Variants in GPR155 observed in about 807,000 individuals in gnomAD.
The protein encoded by GPR155 is lysosomal cholesterol signaling protein.
Under a neutral mutation model 93.1 loss-of-function variants are expected in GPR155, and 65 were observed. The ratio of observed to expected loss-of-function variants is 0.70; its 90% CI spans 0.57 to 0.86. The LOEUF (loss-of-function observed/expected upper bound fraction) is 0.86. Ranked by LOEUF, GPR155 falls within the 40% of genes least tolerant of loss-of-function variation. The pLI, the probability that GPR155 is intolerant of heterozygous loss-of-function variation, is 0.00. For synonymous variants in GPR155, 319 were observed against 360.1 expected (o/e 0.89, Z 1.29); for missense variants, 838 against 1,034.8 (o/e 0.81, Z 2.61).
chr2:174,460,776 T>C (rs1326538486), intron 9 of GPR155, among the ~76,000 whole-genome samples: 1 of 152,188 alleles, frequency 6.6e-6, no homozygotes, highest in African/African-American at 2.4e-5. Flanking sequence ...GTAATGATAT[T>C]AAAAATAATT....
intron 1 of GPR155, among the ~76,000 whole-genome samples, chr2:174,484,519 A>T (rs549133442): frequency 6.6e-6 from 1 of 152,372 alleles, no homozygotes; most frequent in East Asian, 1.9e-4. Flanking sequence ...CCAACAGTTT[A>T]AACTAGCAGA....
chr2:174,435,936 C>T lies in GPR155; in HGVS notation c.*180G>A. 1 of 580,482 alleles carries T rather than the reference C, an allele frequency of 1.7e-6. No homozygotes were observed. 36.0% of individuals were successfully genotyped at this position (580,482 alleles called of 1,614,324 possible). On this transcript the variant is annotated 3_prime_UTR_variant, in exon 16 of 16. Transcript: ENST00000392552. Reference sequence around the variant, plus strand: ...CTAAGTCAGCTTCCTATGTGTTTTACATACATGTAAAATCACAGACCCTGC... The same window carrying T: ...CTAAGTCAGCTTCCTATGTGTTTTATATACATGTAAAATCACAGACCCTGC...
intron 2 of GPR155, among the ~76,000 whole-genome samples, chr2:174,474,031 A>G (rs1011546651): frequency 2.0e-5 from 3 of 152,222 alleles, no homozygotes; most frequent in Non-Finnish European, 4.4e-5. Flanking sequence ...AATGGAGTAA[A>G]GGAAAACATC....
At chr2:174,451,127 T>G (rs940035532) in intron 11 of GPR155, among the ~76,000 whole-genome samples, 4 of 151,976 alleles carry the variant, frequency 2.6e-5, no homozygotes, top group African/African-American at 9.7e-5. Context: ...CTGGCCAACA[T>G]GGTGAAACCC....
In GPR155 at chr2:174,481,482, T is replaced by C. The variant is rs948726871; in HGVS notation, c.460+15A>G. 30 of 1,434,754 alleles carry C rather than the reference T, an allele frequency of 2.1e-5. No individual in the cohort carries two copies. Among genetic ancestry groups the C allele is most frequent in the Non-Finnish European group, 2.8e-5 (30 of 1,053,920 alleles). The allele number at this position is 1,434,754 out of a possible 1,614,324, so 88.9% of individuals were successfully genotyped here. A position where few individuals can be genotyped will look rare whatever the true frequency, so the allele number is the denominator to read the frequency against. ...TTGAATTTTTTAAACACTTGAAAAA[T>C]AAAAATTAACTTACCTATAGGGTAT... On this transcript the variant is annotated intron_variant, in intron 2 of 15. Coordinates refer to ENST00000392552, the MANE Select transcript of GPR155 (RefSeq NM_152529.7).
chr2:174,445,145 T>G lies in GPR155; in HGVS notation c.2045A>C (p.Asn682Thr). 1 of 1,592,560 alleles carries G rather than the reference T, an allele frequency of 6.3e-7. No individual in the cohort carries two copies. The highest frequency in any genetic ancestry group is 2.2e-5 in the East Asian group (1 of 44,766). ...AACATAAAGTCTTCCAGGCTCTTGG[T>G]TGAATAGCCACCATAAACAACTGGA... is the stretch of plus-strand genomic sequence containing the variant. The part of the protein sequence containing the change: ...NLSSCLWWLF[N>T]QEPGRLYVEL... The change falls in exon 13 of 16, where the codon AAC becomes ACC. Residue 682 changes from asparagine (N) to threonine (T), a missense_variant. This residue lies in a region of GPR155 where 29 missense variants were observed against 67.1 expected (regional missense o/e 0.43). Coordinates refer to ENST00000392552, the MANE Select transcript of GPR155 (RefSeq NM_152529.7).
At chr2:174,483,942 T>C (rs146486396) in intron 1 of GPR155, among the ~76,000 whole-genome samples, 11 of 152,264 alleles carry the variant, frequency 7.2e-5, no homozygotes, top group Middle Eastern at 3.4e-3. Flanking sequence ...TAGACTGATA[T>C]AAGGTAGAAA....
chr2:174,464,179 G>A (rs1319690681), intron 7 of GPR155, among the ~76,000 whole-genome samples: 2 of 152,140 alleles, frequency 1.3e-5, no homozygotes, highest in Non-Finnish European at 2.9e-5. Context: ...TTCTCAGTTT[G>A]CAAAATGAAG....
intron 15 of GPR155, among the ~76,000 whole-genome samples, chr2:174,437,441 C>T (rs1182324333): frequency 6.6e-6 from 1 of 152,156 alleles, no homozygotes; most frequent in East Asian, 1.9e-4. Context: ...ATTTTAACAT[C>T]AGTATTTCAT....
At chr2:174,475,294 CAAAAAAAAAAAAAAA>C (rs71024809) in intron 2 of GPR155, among the ~76,000 whole-genome samples, 5 of 64,334 alleles carry the variant, frequency 7.8e-5, no homozygotes, top group African/African-American at 1.4e-4. Context: ...GACTCCGTCT[CAAAAAAAAAAAAAAA>C]AAAAAAAAAA....
At chr2:174,471,085 G>A (rs1687982726) in intron 3 of GPR155, among the ~76,000 whole-genome samples, 1 of 151,232 alleles carries the variant, frequency 6.6e-6, no homozygotes, top group African/African-American at 2.4e-5. Flanking sequence ...TAACAACATT[G>A]CTTAATAAGA....
chr2:174,436,150 T>C lies in GPR155; in HGVS notation c.2579A>G (p.His860Arg). 6.2e-7 allele frequency: 1 copy of C among 1,613,896 alleles called. No homozygotes were observed. Among genetic ancestry groups the C allele is most frequent in the Non-Finnish European group, 8.5e-7 (1 of 1,179,770 alleles). The change falls in exon 16 of 16, where the codon CAT (histidine) becomes CGT (arginine). Residue 860 changes from histidine (H) to arginine (R), a missense_variant. Coordinates refer to ENST00000392552, the MANE Select transcript of GPR155 (RefSeq NM_152529.7). ...AGGGGAATGTGAGGGTGGGGATGAATGCTCAATTTCTTTATATCTTTCCTG... is the reference window on the plus strand; with the variant it reads ...AGGGGAATGTGAGGGTGGGGATGAACGCTCAATTTCTTTATATCTTTCCTG... ...LQQERYKEIE[H>R]SSPPSHSPKT
Position 174,473,347 on chromosome 2 carries a change from T to G in GPR155, c.478A>C (p.Thr160Pro). The change falls in exon 3 of 16, where the codon ACT becomes CCT. Residue 160 changes from threonine (T) to proline (P), a missense_variant. This residue lies in a region of GPR155 where 663 missense variants were observed against 790.1 expected (regional missense o/e 0.84). Transcript: ENST00000392552. ...GYPIVEALYQ[T>P]TYPEYLQYIY... ...TACTGGAGATATTCTGGGTATGTAG[T>G]TTGATATAAAGCTTCAACTGCAAAA... The G allele has an allele frequency of 6.3e-7, 1 of 1,584,928 alleles. No individual in the cohort carries two copies. The highest frequency in any genetic ancestry group is 1.4e-5 in the African/African-American group (1 of 73,528).
Position 174,433,064 on chromosome 2 carries a change from C to T in GPR155, c.*3052G>A, listed in dbSNP as rs1254148182. 6.6e-6 allele frequency: 1 copy of T among 151,944 alleles called. No homozygotes were observed. The highest frequency in any genetic ancestry group is 2.4e-5 in the African/African-American group (1 of 41,366). 9.4% of individuals were successfully genotyped at this position (151,944 alleles called of 1,614,324 possible). On this transcript the variant is annotated 3_prime_UTR_variant, in exon 16 of 16. Coordinates refer to ENST00000392552, the MANE Select transcript of GPR155 (RefSeq NM_152529.7). ...AGGTATGAACCACCGCGCCTGGCCC[C>T]CATGCAGGTTTTTAAAAAACTGTTT...
chr2:174,471,186 T>G (rs911484092), intron 3 of GPR155, among the ~76,000 whole-genome samples: 1 of 150,888 alleles, frequency 6.6e-6, no homozygotes, highest in Non-Finnish European at 1.5e-5. Context: ...AGGTCAGGAG[T>G]TGAAGACCAG....
intron 13 of GPR155, among the ~76,000 whole-genome samples, chr2:174,443,331 T>C (rs1341104480): frequency 2.0e-5 from 3 of 152,216 alleles, no homozygotes; most frequent in African/African-American, 4.8e-5. Flanking sequence ...CTCATTCATA[T>C]GGCAAATTAT....
chr2:174,478,148 G>C, intron 2 of GPR155, among the ~76,000 whole-genome samples: 1 of 152,148 alleles, frequency 6.6e-6, no homozygotes. Flanking sequence ...TCAACATTTT[G>C]CCACGGGAGA....
chr2:174,455,425 G>A (rs1209101844), intron 10 of GPR155, among the ~76,000 whole-genome samples: 1 of 152,180 alleles, frequency 6.6e-6, no homozygotes, highest in Non-Finnish European at 1.5e-5. Flanking sequence ...TACGTGCAGC[G>A]CTTTGGGCAT....
At chr2:174,467,662 C>T (rs1268113491) in intron 5 of GPR155, among the ~76,000 whole-genome samples, 1 of 152,172 alleles carries the variant, frequency 6.6e-6, no homozygotes, top group African/African-American at 2.4e-5. Flanking sequence ...CATATTGTCT[C>T]ATGGGGTATC....
Sources: allele counts gnomAD v4.1 joint callset (sites outside exome capture counted in the v4.1 genomes callset), GRCh38; gene constraint gnomAD v4.1.1; regional missense constraint gnomAD v4.1.1; transcripts MANE v1.5; gene names NCBI Gene and HGNC (gene_info 2026-07-23, HGNC 2026-07-21).